The following RTF2 variants were observed in gnomAD, a reference collection of about 807,000 sequenced individuals.
RTF2 encodes the protein replication termination factor 2.
RTF2 carries 18 observed loss-of-function variants against 38.0 expected under a neutral mutation model. The ratio of observed to expected loss-of-function variants is 0.47; its 90% CI spans 0.33 to 0.70. The LOEUF (loss-of-function observed/expected upper bound fraction) is 0.70. Ranked by LOEUF, RTF2 falls within the 30% of genes least tolerant of loss-of-function variation. The probability of loss-of-function intolerance (pLI) is 0.02; values close to 1 mark genes in which losing one functional copy is unlikely to be tolerated. For synonymous variants in RTF2, 126 were observed against 137.1 expected, an observed-to-expected ratio of 0.92 and a Z score of 0.57; for missense variants, 311 against 379.6, an observed-to-expected ratio of 0.82 and a Z score of 1.50.
Position 56,473,303 on chromosome 20 carries a change from C to A in RTF2, c.72C>A (p.Val24=), listed in dbSNP as rs150991888. The A allele has an allele frequency of 1.2e-6, 2 of 1,611,502 alleles. No homozygotes were observed. The highest frequency in any genetic ancestry group is 1.1e-5 in the South Asian group (1 of 90,882). ...LVKGPKKVEK[V]DKDAELVAQW... is the part of the protein sequence containing the mutation. Reference sequence around the variant, plus strand: ...TTGAATTTTTTGTTTTTTATTAGGTCGACAAAGATGCTGAATTAGTGGCCC... The same window carrying A: ...TTGAATTTTTTGTTTTTTATTAGGTAGACAAAGATGCTGAATTAGTGGCCC... Residue 24 remains valine (V), a splice_region_variant and synonymous_variant, in exon 2 of 9, where the codon GTC becomes GTA. Coordinates refer to ENST00000357348, the MANE Select transcript of RTF2 (RefSeq NM_016407.5).
At chr20:56,509,135 G>A (rs1256869356) in intron 5 of RTF2, among the ~76,000 whole-genome samples, 1 of 152,182 alleles carries the variant, frequency 6.6e-6, no homozygotes, top group Admixed American at 6.5e-5. Context: ...CTCTTAGAAC[G>A]CAACATCAAA....
chr20:56,505,120 G>A (rs1984181766), intron 5 of RTF2, among the ~76,000 whole-genome samples: 1 of 152,156 alleles, frequency 6.6e-6, no homozygotes, highest in Non-Finnish European at 1.5e-5. Context: ...CCTTTTATGT[G>A]TGGGAGAGTC....
chr20:56,513,933 G>A, intron 6 of RTF2: 1 of 156,130 alleles, frequency 6.4e-6, no homozygotes, highest in Non-Finnish European at 1.4e-5. Flanking sequence ...GGAGGGCCCT[G>A]GCAGTCTGGG....
chr20:56,492,813 C>T (rs570842212), intron 5 of RTF2, among the ~76,000 whole-genome samples: 1 of 151,998 alleles, frequency 6.6e-6, no homozygotes, highest in Non-Finnish European at 1.5e-5. Flanking sequence ...ATTTCAGAAA[C>T]GTTGCTCTTT....
chr20:56,513,125 T>G (rs934957412), intron 5 of RTF2, among the ~76,000 whole-genome samples, 190 bp from the exon 6 acceptor site: 1 of 152,306 alleles, frequency 6.6e-6, no homozygotes, highest in Non-Finnish European at 1.5e-5. Flanking sequence ...GTGATAGCAC[T>G]CTTAACCTGC....
At chr20:56,469,679 C>A (rs1187787432) in intron 1 of RTF2, among the ~76,000 whole-genome samples, 1 of 152,122 alleles carries the variant, frequency 6.6e-6, no homozygotes, top group Non-Finnish European at 1.5e-5. Context: ...AAGGTAAACC[C>A]CTTAAGTCAC....
intron 5 of RTF2, among the ~76,000 whole-genome samples, chr20:56,494,041 G>A (rs1983346994): frequency 6.6e-6 from 1 of 152,140 alleles, no homozygotes; most frequent in Non-Finnish European, 1.5e-5. Context: ...TCAGTAAAGG[G>A]TGAATAATGA....
intron 5 of RTF2, chr20:56,496,585 CTGCTGCTGT>C (rs1983553896): frequency 2.1e-6 from 3 of 1,449,024 alleles, no homozygotes; most frequent in Non-Finnish European, 2.7e-6. Flanking sequence ...ATCAATCTAT[CTGCTGCTGT>C]TGCTGCTGAC....
chr20:56,498,107 T>C (rs1340851223), intron 5 of RTF2, among the ~76,000 whole-genome samples: 5 of 53,350 alleles, frequency 9.4e-5, no homozygotes, highest in South Asian at 6.7e-4. Flanking sequence ...TTATTGCCCT[T>C]ATTAGGGAGA....
In RTF2 at chr20:56,468,687, C is replaced by T. The variant is rs368948466; in HGVS notation, c.-11C>T. On this transcript the variant is annotated 5_prime_UTR_variant, in exon 1 of 9. Transcript: ENST00000357348. ...TGGGGGTTTGCTGCTGGCTCTGACTCCCGTCCTGCGATGGGTTGCGACGGG... is the reference window on the plus strand; with the variant it reads ...TGGGGGTTTGCTGCTGGCTCTGACTTCCGTCCTGCGATGGGTTGCGACGGG... The T allele has an allele frequency of 6.4e-7, 1 of 1,571,338 alleles. No homozygotes were observed.
intron 5 of RTF2, among the ~76,000 whole-genome samples, chr20:56,499,997 A>G (rs1983823879): frequency 6.6e-6 from 1 of 151,732 alleles, no homozygotes; most frequent in Non-Finnish European, 1.5e-5. Flanking sequence ...TGGCCTCTCA[A>G]AGTGCTGGGA....
In RTF2 at chr20:56,518,442, G is replaced by T. The variant is rs940093908; in HGVS notation, c.*177G>T. The T allele has an allele frequency of 1.7e-6, 1 of 578,308 alleles. No homozygotes were observed. 35.8% of individuals were successfully genotyped at this position (578,308 alleles called of 1,614,324 possible). Reference sequence around the variant, plus strand: ...CTTGATGTGAGGCGTGTCGGTTCCAGGGGGGACATGGGAGGGGCTGCACAG... The same window carrying T: ...CTTGATGTGAGGCGTGTCGGTTCCATGGGGGACATGGGAGGGGCTGCACAG... On this transcript the variant is annotated 3_prime_UTR_variant, in exon 9 of 9. Coordinates refer to ENST00000357348, the MANE Select transcript of RTF2 (RefSeq NM_016407.5).
chr20:56,495,594 T>A (rs1447890360), intron 5 of RTF2, among the ~76,000 whole-genome samples: 1 of 152,250 alleles, frequency 6.6e-6, no homozygotes, highest in Non-Finnish European at 1.5e-5. Context: ...CCCTTGTTAC[T>A]CCCTTGCTGT....
At chr20:56,497,491 G>A (rs1457614671) in intron 5 of RTF2, 3 of 1,491,118 alleles carry the variant, frequency 2.0e-6, no homozygotes, top group Non-Finnish European at 2.7e-6. Flanking sequence ...ACTACTTCTG[G>A]TTGGGCAGGT....
chr20:56,508,537 TCTATGA>T (rs1269207690), intron 5 of RTF2, among the ~76,000 whole-genome samples: 1 of 152,218 alleles, frequency 6.6e-6, no homozygotes, highest in Non-Finnish European at 1.5e-5. Context: ...CTTTTAAACA[TCTATGA>T]CTATAACATT....
chr20:56,492,776 A>C (rs527697583), intron 5 of RTF2, among the ~76,000 whole-genome samples: 1 of 152,000 alleles, frequency 6.6e-6, no homozygotes, highest in Non-Finnish European at 1.5e-5. Flanking sequence ...GCCTCAGCGT[A>C]TGTGTGAGAG....
chr20:56,470,584 CT>C (rs1309999382), intron 1 of RTF2: 4 of 455,844 alleles, frequency 8.8e-6, no homozygotes, highest in Non-Finnish European at 1.8e-5. Flanking sequence ...ACGGGATCAT[CT>C]TTTGTTCTAA....
chr20:56,509,078 T>C (rs1203914315), intron 5 of RTF2, among the ~76,000 whole-genome samples: 1 of 152,212 alleles, frequency 6.6e-6, no homozygotes, highest in Non-Finnish European at 1.5e-5. Flanking sequence ...GTCATAACAG[T>C]CTTGGACTAA....
At chr20:56,500,489 C>T (rs1983858143) in intron 5 of RTF2, among the ~76,000 whole-genome samples, 1 of 152,292 alleles carries the variant, frequency 6.6e-6, no homozygotes, top group East Asian at 1.9e-4. Context: ...TGGGTATTTT[C>T]AGTAGTTTAT....
Sources: gnomAD v4.1 joint callset for allele counts (sites outside exome capture counted in the v4.1 genomes callset) on GRCh38, gnomAD v4.1.1 for gene constraint, MANE v1.5 for transcripts, NCBI Gene and HGNC (gene_info 2026-07-23, HGNC 2026-07-21) for gene names.